MECR: variants seen among roughly 807,000 people sequenced by gnomAD.
MECR encodes mitochondrial trans-2-enoyl-CoA reductase, also known as enoyl-[acyl-carrier-protein] reductase, mitochondrial.
MECR carries 37 observed loss-of-function variants against 49.1 expected under a neutral mutation model. The observed-to-expected ratio is 0.75, with a 90% CI of 0.58 to 0.99. MECR has a LOEUF of 0.99. MECR is among the 50% of genes least tolerant of loss of function. The pLI is 0.00. For synonymous variants in MECR, 198 were observed against 191.1 expected, an observed-to-expected ratio of 1.04 and a Z score of -0.30; for missense variants, 470 against 479.6, an observed-to-expected ratio of 0.98 and a Z score of 0.19.
chr1:29,189,382 T>C (rs1029377267), downstream of MECR, among the ~76,000 whole-genome samples: 3 of 146,364 alleles, frequency 2.0e-5, no homozygotes, highest in Admixed American at 6.9e-5. Flanking sequence ...TTTCGTATTT[T>C]TGTAGAGATG....
intron 5 of MECR, among the ~76,000 whole-genome samples, chr1:29,202,295 G>T (rs1675513982): frequency 1.3e-5 from 2 of 152,168 alleles, no homozygotes; most frequent in Admixed American, 1.3e-4. Context: ...AATAGTGTTA[G>T]AAGCCATCTG....
At chr1:29,214,380 G>A (rs1678813342) in intron 3 of MECR, among the ~76,000 whole-genome samples, 3 of 141,436 alleles carry the variant, frequency 2.1e-5, no homozygotes, top group African/African-American at 7.9e-5. Flanking sequence ...TTTTTTTTTG[G>A]AGATGGAGTC....
chr1:29,170,795 T>A, the MECR span: 1 of 152,086 alleles, frequency 6.6e-6, no homozygotes, highest in Admixed American at 6.5e-5. Context: ...AATTCAAACC[T>A]CCCTCTTTCA....
At chr1:29,181,822 A>G in the MECR span, 8 of 1,328,652 alleles carry the variant, frequency 6.0e-6, no homozygotes, top group African/African-American at 3.1e-5. Context: ...AAGCGAGAGC[A>G]CGGCGGCAGC....
intron 4 of MECR, 31 bp from the exon 5 acceptor site, chr1:29,203,264 C>G: frequency 6.6e-7 from 1 of 1,519,414 alleles, no homozygotes; most frequent in South Asian, 1.2e-5. Flanking sequence ...CCAAATCAAG[C>G]CCTGTATAGA....
chr1:29,223,419 C>T, intron 1 of MECR: 2 of 299,062 alleles, frequency 6.7e-6, no homozygotes, highest in South Asian at 2.6e-4. Flanking sequence ...TTCCTGCGTT[C>T]CACATTTAAT....
chr1:29,212,373 C>A (rs1678230811), intron 3 of MECR, among the ~76,000 whole-genome samples: 1 of 152,120 alleles, frequency 6.6e-6, no homozygotes. Context: ...TTGCAGTGAG[C>A]CAAGATTGCA....
chr1:29,209,388 G>A (rs560679118), intron 3 of MECR, among the ~76,000 whole-genome samples: 1 of 152,286 alleles, frequency 6.6e-6, no homozygotes, highest in East Asian at 1.9e-4. Context: ...TTTAGTGAAT[G>A]AGTGAGTGGG....
At chr1:29,215,802 C>T (rs1377667963) in intron 3 of MECR, among the ~76,000 whole-genome samples, 1 of 151,970 alleles carries the variant, frequency 6.6e-6, no homozygotes, top group South Asian at 2.1e-4. Flanking sequence ...ACTGGGGAGG[C>T]GGAGGTTTTG....
Position 29,210,387 on chromosome 1 carries a change from C to T in MECR, c.407-3482G>A, listed in dbSNP as rs538739456. On this transcript the variant is annotated intron_variant, in intron 3 of 9. Coordinates refer to ENST00000263702, the MANE Select transcript of MECR (RefSeq NM_016011.5). ...CTGAGAAAATAAGAGACTGAAAAGG[C>T]GAGGATTCCTCTGTAATCCAGGAAG... Among the ~76,000 whole-genome samples the T allele has an allele frequency of 5.9e-5, 9 of 152,234 alleles. No individual in the cohort carries two copies. The South Asian group carries it at 1.7e-3, about 28-fold the overall frequency.
chr1:29,181,675 C>G, the MECR span: 8 of 1,597,384 alleles, frequency 5.0e-6, no homozygotes, highest in East Asian at 7.1e-5. Flanking sequence ...CCAGGATCTT[C>G]CCGTAGCCCT....
chr1:29,215,194 A>G (rs920097318), intron 3 of MECR, among the ~76,000 whole-genome samples: 13 of 152,138 alleles, frequency 8.5e-5, no homozygotes, highest in Admixed American at 7.2e-4. Flanking sequence ...TGAGGCTACA[A>G]TGGATTTTCC....
chr1:29,224,080 T>TTC lies in MECR; in HGVS notation c.176+6649_176+6650dup, dbSNP rs564719966. On this transcript the variant is annotated intron_variant, in intron 1 of 9. Transcript: ENST00000263702. ...TTTCTACCCAGTTGGCAAAGAAACCTTCTCAATCCCCTACTTACCCTAAAC... is the reference window on the plus strand; with the variant it reads ...TTTCTACCCAGTTGGCAAAGAAACCTTCTCTCAATCCCCTACTTACCCTAAAC... 177 of 152,294 alleles carry TTC rather than the reference T, an allele frequency of 1.2e-3. 1 individual carries two copies. Among genetic ancestry groups the TTC allele is most frequent in the African/African-American group, 3.8e-3 (159 of 41,564 alleles). The allele number at this position is 152,294 out of a possible 1,614,324, so 9.4% of individuals were successfully genotyped here.
chr1:29,230,750 C>A lies in MECR; in HGVS notation c.157G>T (p.Asp53Tyr). ...VRALVYGHHG[D>Y]PAKVVELKNL... ...TCTTACTCGACGACCTTGGCTGGAT[C>A]CCCGTGGTGCCCATAGACAAGCGCC... The change falls in exon 1 of 10, where the codon GAT becomes TAT. Residue 53 changes from aspartate (D) to tyrosine (Y), a missense_variant. Coordinates refer to ENST00000263702, the MANE Select transcript of MECR (RefSeq NM_016011.5). 2 of 1,587,576 alleles carry A rather than the reference C, an allele frequency of 1.3e-6. No individual in the cohort carries two copies. The highest frequency in any genetic ancestry group is 1.7e-6 in the Non-Finnish European group (2 of 1,167,296).
intron 3 of MECR, among the ~76,000 whole-genome samples, chr1:29,208,602 C>T (rs1034392304): frequency 4.6e-5 from 7 of 152,196 alleles, no homozygotes; most frequent in Admixed American, 3.3e-4. Context: ...TATCGAACAT[C>T]GACTTTGAAC....
chr1:29,206,578 A>G (rs1451454024), intron 4 of MECR, among the ~76,000 whole-genome samples, 184 bp downstream of exon 4: 1 of 152,162 alleles, frequency 6.6e-6, no homozygotes, highest in East Asian at 1.9e-4. Context: ...ATGAGGTTTC[A>G]GCATGTTTCC....
chr1:29,216,732 T>C lies in MECR; in HGVS notation c.177-47A>G, dbSNP rs369219068. ...GATGTTCATGTCATCCAGGCTAGAA[T>C]GGGTGTTTCGCTCAAATCATCTCCT... On this transcript the variant is annotated intron_variant, in intron 1 of 9. Transcript: ENST00000263702. 83 of 1,613,386 alleles carry C rather than the reference T, an allele frequency of 5.1e-5. No homozygotes were observed. The African/African-American group carries it at 1.1e-3, about 21-fold the overall frequency.
the MECR span, among the ~76,000 whole-genome samples, chr1:29,178,189 C>A: frequency 2.6e-5 from 4 of 151,978 alleles, no homozygotes; most frequent in Non-Finnish European, 5.9e-5. Context: ...TGTGAGCCAC[C>A]GTGACCGGTC....
the MECR span, chr1:29,173,130 C>CTTTTTTTTTTTTTTT: frequency 2.5e-5 from 2 of 78,556 alleles, no homozygotes; most frequent in African/African-American, 1.0e-4. Flanking sequence ...GTCAAAAAGG[C>CTTTTTTTTTTTTTTT]TTTTTTTTTT....
Sources: gnomAD v4.1 joint callset for allele counts (sites outside exome capture counted in the v4.1 genomes callset) on GRCh38, gnomAD v4.1.1 for gene constraint, MANE v1.5 for transcripts, NCBI Gene and HGNC (gene_info 2026-07-23, HGNC 2026-07-21) for gene names.